Variants in EIF4G3 observed in about 807,000 individuals in gnomAD.
The protein encoded by EIF4G3 is eukaryotic translation initiation factor 4 gamma 3, also known as eIF-4-gamma 3.
In EIF4G3, 34 loss-of-function variants were observed where a neutral mutation model predicts 186.4. The observed-to-expected ratio is 0.18, with a 90% CI of 0.14 to 0.24. The LOEUF is 0.24. Ranked by LOEUF, EIF4G3 falls within the 10% of genes least tolerant of loss-of-function variation. The pLI, the probability that EIF4G3 is intolerant of heterozygous loss-of-function variation, is 1.00. For missense variants in EIF4G3, 1,536 were observed against 1,948.5 expected, an observed-to-expected ratio of 0.79 and a Z score of 3.99; for synonymous variants, 673 against 679.5, an observed-to-expected ratio of 0.99 and a Z score of 0.15.
intron 2 of EIF4G3, among the ~76,000 whole-genome samples, chr1:21,096,232 C>A (rs1305317893): frequency 6.6e-6 from 1 of 152,144 alleles, no homozygotes; most frequent in African/African-American, 2.4e-5. Flanking sequence ...TGAGGTCATT[C>A]TTTTGCAGCA....
chr1:21,094,319 A>G (rs979341813), intron 2 of EIF4G3, among the ~76,000 whole-genome samples: 1 of 152,016 alleles, frequency 6.6e-6, no homozygotes, highest in African/African-American at 2.4e-5. Flanking sequence ...ACATGCACAC[A>G]TACGTTTATT....
rs2077870156 is a variant in EIF4G3 at position 20,981,182 on chromosome 1, T to G, written c.244A>C (p.Asn82His). The change falls in exon 9 of 37, where the codon AAC becomes CAC. Residue 82 changes from asparagine to histidine, a missense_variant. Physicochemically the swap from Asn to His is moderately conservative, Grantham distance 68 (BLOSUM62 1). Coordinates refer to ENST00000602326, the MANE Select transcript of EIF4G3 (RefSeq NM_001391906.1). The stretch of plus-strand genomic sequence containing the variant: ...CCAGGACGAATGGAAGGACTGCTGT[T>G]CGGGATGGTAGCTCTAGGAGGCTGT... ...QIQPPRATIP[N>H]SSPSIRPGAQ... 1.2e-6 allele frequency: 2 copies of G among 1,613,558 alleles called. No individual in the cohort carries two copies. The highest frequency in any genetic ancestry group is 2.7e-5 in the African/African-American group (2 of 74,820).
At chr1:21,163,937 A>C (rs568474736) in intron 2 of EIF4G3, among the ~76,000 whole-genome samples, 1 of 151,898 alleles carries the variant, frequency 6.6e-6, no homozygotes, top group Non-Finnish European at 1.5e-5. Flanking sequence ...ACACCTGGCT[A>C]ATTTTTGTAT....
At chr1:20,942,718 A>T (rs778036309) in intron 13 of EIF4G3, among the ~76,000 whole-genome samples, 8 of 152,224 alleles carry the variant, frequency 5.3e-5, no homozygotes, top group Non-Finnish European at 1.0e-4. Flanking sequence ...TTCCAAGGAT[A>T]TATTACAGTG....
chr1:20,959,373 A>G (rs981324340), intron 12 of EIF4G3, among the ~76,000 whole-genome samples: 2 of 152,126 alleles, frequency 1.3e-5, no homozygotes, highest in Non-Finnish European at 2.9e-5. Flanking sequence ...CTCACCTTGT[A>G]CAAAAGTCAA....
intron 20 of EIF4G3, among the ~76,000 whole-genome samples, chr1:20,873,476 CTTG>C (rs1558021363): frequency 6.6e-6 from 1 of 152,108 alleles, no homozygotes; most frequent in Non-Finnish European, 1.5e-5. Context: ...TGCGAGAGTT[CTTG>C]TTGTTTCACG....
intron 2 of EIF4G3, among the ~76,000 whole-genome samples, chr1:21,158,679 G>C (rs1428733692): frequency 6.6e-6 from 1 of 151,940 alleles, no homozygotes; most frequent in Non-Finnish European, 1.5e-5. Flanking sequence ...AAGAAGCTGA[G>C]GCAGTAGAAT....
At chr1:21,047,825 C>G (rs567118745) in intron 4 of EIF4G3, among the ~76,000 whole-genome samples, 4 of 152,286 alleles carry the variant, frequency 2.6e-5, no homozygotes, top group African/African-American at 9.6e-5. Flanking sequence ...CCATGGAACT[C>G]TTCATTTTTC....
intron 34 of EIF4G3, among the ~76,000 whole-genome samples, chr1:20,815,506 G>C (rs972400504): frequency 1.3e-5 from 2 of 151,736 alleles, no homozygotes; most frequent in African/African-American, 2.4e-5. Flanking sequence ...GTCTCTGCCC[G>C]GCCGCCCCGT....
At chr1:21,150,708 G>A (rs954680629) in intron 2 of EIF4G3, among the ~76,000 whole-genome samples, 2 of 152,234 alleles carry the variant, frequency 1.3e-5, no homozygotes, top group Non-Finnish European at 2.9e-5. Flanking sequence ...CGGGTGCGGT[G>A]GCTCAGGCCT....
intron 11 of EIF4G3, 138 bp downstream of exon 11, chr1:20,972,864 G>A (rs2076167951): frequency 1.6e-6 from 1 of 614,584 alleles, no homozygotes; most frequent in Non-Finnish European, 2.7e-6. Flanking sequence ...AGGTGAAGTG[G>A]TGTGACTATA....
chr1:20,950,148 G>A lies in EIF4G3; in HGVS notation c.715-37C>T, dbSNP rs187747666. On this transcript the variant is annotated intron_variant, in intron 12 of 36. Coordinates refer to ENST00000602326, the MANE Select transcript of EIF4G3 (RefSeq NM_001391906.1). ...AGTACAAAAAAGGGTGATAATGAGC[G>A]TGCGAACATAAAAACTAGCAACATG... 4.7e-5 allele frequency: 69 copies of A among 1,477,368 alleles called. No individual in the cohort carries two copies. The African/African-American group carries it at 6.0e-4, about 13-fold the overall frequency. The allele number at this position is 1,477,368 out of a possible 1,614,324, so 91.5% of individuals were successfully genotyped here. A position where few individuals can be genotyped will look rare whatever the true frequency, so the allele number is the denominator to read the frequency against.
At position 20,858,446 on chromosome 1, in the gene EIF4G3, C is replaced by T. The variant is rs2075575642; in HGVS notation, c.3245-949G>A. ...CCACATGATTTAACACCCTCACTTG[C>T]TTCAGGTCTTTGCTCAAACAATACC... On this transcript the variant is annotated intron_variant, in intron 24 of 36. Coordinates refer to ENST00000602326, the MANE Select transcript of EIF4G3 (RefSeq NM_001391906.1). Among the ~76,000 whole-genome samples the T allele has an allele frequency of 2.0e-5, 3 of 152,266 alleles. No individual in the cohort carries two copies. The South Asian group carries it at 6.2e-4, about 32-fold the overall frequency.
In EIF4G3 at chr1:20,901,260, A is replaced by T. The variant is rs374051409; in HGVS notation, c.1753-1317T>A. Among the ~76,000 whole-genome samples, 7 of 152,194 alleles carry T rather than the reference A, an allele frequency of 4.6e-5. 1 individual carries two copies. The East Asian group carries it at 5.8e-4, about 13-fold the overall frequency. On this transcript the variant is annotated intron_variant, in intron 15 of 36. Coordinates refer to ENST00000602326, the MANE Select transcript of EIF4G3 (RefSeq NM_001391906.1). ...GTATCATTTAAACATTGAAAAAACC[A>T]GATCTACCAAATTTGAATCATGAAT...
At chr1:21,024,734 A>C (rs891501345) in intron 4 of EIF4G3, among the ~76,000 whole-genome samples, 3 of 149,518 alleles carry the variant, frequency 2.0e-5, no homozygotes, top group African/African-American at 7.4e-5. Context: ...ATCTCAAGTA[A>C]TCAGGGACAC....
intron 13 of EIF4G3, among the ~76,000 whole-genome samples, chr1:20,944,506 C>T (rs539496338): frequency 1.4e-5 from 2 of 145,010 alleles, no homozygotes; most frequent in Non-Finnish European, 3.0e-5. Flanking sequence ...TAGAGCAAGA[C>T]GCTGTCTCAA....
At chr1:20,951,722 A>G (rs1192963631) in intron 12 of EIF4G3, among the ~76,000 whole-genome samples, 2 of 147,306 alleles carry the variant, frequency 1.4e-5, no homozygotes, top group African/African-American at 4.9e-5. Context: ...AACTACTCCA[A>G]TTGCCTGGGA....
chr1:20,863,430 C>CTT (rs5772919), intron 22 of EIF4G3, among the ~76,000 whole-genome samples: 2 of 116,632 alleles, frequency 1.7e-5, no homozygotes, highest in East Asian at 2.4e-4. Flanking sequence ...ACCCTGTTAC[C>CTT]TTTTTTTTTT....
intron 3 of EIF4G3, among the ~76,000 whole-genome samples, chr1:21,084,466 C>T (rs2095894558): frequency 6.6e-6 from 1 of 152,066 alleles, no homozygotes; most frequent in Admixed American, 6.6e-5. Flanking sequence ...GAAAATCTGC[C>T]CCCATGATCC....
Sources: gnomAD v4.1 joint callset for allele counts (sites outside exome capture counted in the v4.1 genomes callset) on GRCh38, gnomAD v4.1.1 for gene constraint, MANE v1.5 for transcripts, NCBI Gene and HGNC (gene_info 2026-07-23, HGNC 2026-07-21) for gene names.